RASGRP3: variants seen among roughly 807,000 people sequenced by gnomAD.
The protein encoded by RASGRP3 is ras guanyl-releasing protein 3.
Under a neutral mutation model 82.7 loss-of-function variants are expected in RASGRP3, and 54 were observed. That is an observed-to-expected ratio of 0.65 (90% CI 0.52 to 0.82). The LOEUF (loss-of-function observed/expected upper bound fraction) is 0.82, where lower values mean the gene tolerates loss of function less well. RASGRP3 is among the 40% of genes least tolerant of loss of function. RASGRP3 has a pLI of 0.00. For missense variants in RASGRP3, 861 were observed against 828.9 expected, an observed-to-expected ratio of 1.04 and a Z score of -0.48; for synonymous variants, 309 against 300.5, an observed-to-expected ratio of 1.03 and a Z score of -0.29.
chr2:33,550,487 C>A (rs1410549995), intron 14 of RASGRP3, among the ~76,000 whole-genome samples: 2 of 152,192 alleles, frequency 1.3e-5, no homozygotes, highest in Admixed American at 1.3e-4. Context: ...CTTCCCCCAC[C>A]TTTGATAATT....
chr2:33,475,516 G>C (rs529229136), upstream of RASGRP3, among the ~76,000 whole-genome samples: 2 of 152,288 alleles, frequency 1.3e-5, no homozygotes, highest in East Asian at 1.9e-4. Flanking sequence ...AAATCCCCTG[G>C]GGGACTTCAA....
At chr2:33,557,201 T>G (rs756077470) in intron 15 of RASGRP3, among the ~76,000 whole-genome samples, 1 of 152,142 alleles carries the variant, frequency 6.6e-6, no homozygotes, top group African/African-American at 2.4e-5. Context: ...CCATCTGAAG[T>G]GGCCACATTT....
At chr2:33,500,405 G>A (rs1444395576) in intron 1 of RASGRP3, among the ~76,000 whole-genome samples, 1 of 152,180 alleles carries the variant, frequency 6.6e-6, no homozygotes, top group Non-Finnish European at 1.5e-5. Context: ...GTGAGCCATT[G>A]CGGTGGGCCA....
intron 14 of RASGRP3, among the ~76,000 whole-genome samples, chr2:33,550,405 C>T (rs768741054): frequency 2.0e-5 from 3 of 152,180 alleles, no homozygotes; most frequent in South Asian, 4.1e-4. Flanking sequence ...GCTTGGACTC[C>T]GACACAGGTG....
chr2:33,517,870 A>G (rs1008050575), intron 4 of RASGRP3, among the ~76,000 whole-genome samples: 3 of 152,206 alleles, frequency 2.0e-5, no homozygotes, highest in African/African-American at 7.2e-5. Context: ...GGAAAGTTGA[A>G]GACTGCCTGT....
At position 33,563,768 on chromosome 2, in the gene RASGRP3, T is replaced by G. The variant is rs989248688; in HGVS notation, c.*1031T>G. The G allele has an allele frequency of 6.6e-6, 1 of 152,186 alleles. No individual in the cohort carries two copies. Among genetic ancestry groups the G allele is most frequent in the African/African-American group, 2.4e-5 (1 of 41,434 alleles). 9.4% of individuals were successfully genotyped at this position (152,186 alleles called of 1,614,324 possible). On this transcript the variant is annotated 3_prime_UTR_variant, in exon 18 of 18. Coordinates refer to ENST00000403687, the MANE Select transcript of RASGRP3 (RefSeq NM_001139488.2). Reference sequence around the variant, plus strand: ...ACTGCCTTCCACAATTAAAGAATACTCATAGAAAGAAAATAATCATAAATC... The same window carrying G: ...ACTGCCTTCCACAATTAAAGAATACGCATAGAAAGAAAATAATCATAAATC...
chr2:33,523,885 G>A lies in RASGRP3; in HGVS notation c.523G>A (p.Asp175Asn). ...HKSFRRISFT[D>N]YQSYVIHGCL... Reference sequence around the variant, plus strand: ...CTGAATCTTCCTTTCCTAGTTCACTGATTACCAAAGCTATGTCATCCATGG... The same window carrying A: ...CTGAATCTTCCTTTCCTAGTTCACTAATTACCAAAGCTATGTCATCCATGG... The change falls in exon 8 of 18, where the codon GAT (aspartate) becomes AAT (asparagine). Residue 175 changes from aspartate to asparagine, a missense_variant. Physicochemically the swap from Asp to Asn is conservative, Grantham distance 23. Coordinates refer to ENST00000403687, the MANE Select transcript of RASGRP3 (RefSeq NM_001139488.2). 6.2e-7 allele frequency: 1 copy of A among 1,608,368 alleles called. No individual in the cohort carries two copies. Among genetic ancestry groups the A allele is most frequent in the South Asian group, 1.1e-5 (1 of 90,184 alleles).
chr2:33,525,922 C>A (rs1672517406), intron 9 of RASGRP3, among the ~76,000 whole-genome samples: 2 of 152,050 alleles, frequency 1.3e-5, no homozygotes, highest in Non-Finnish European at 2.9e-5. Flanking sequence ...AGGTGCTCCG[C>A]CCGCCTCTGA....
At chr2:33,549,500 C>G in intron 13 of RASGRP3, 104 bp from the exon 14 acceptor site, 10 of 1,139,102 alleles carry the variant, frequency 8.8e-6, no homozygotes, top group Middle Eastern at 5.9e-4. Context: ...TGTGCCTCAA[C>G]TGCTTTTGGC....
Position 33,558,912 on chromosome 2 carries a change from G to T in RASGRP3, c.1946G>T (p.Gly649Val), listed in dbSNP as rs1187244297. 6.2e-7 allele frequency: 1 copy of T among 1,613,904 alleles called. No homozygotes were observed. ...CATGACAAAGCAGCAAAGGACAAAG[G>T]CTTTGCCAAATGGGAAAATGAGAAG... is the stretch of plus-strand genomic sequence containing the variant. ...KFHDKAAKDK[G>V]FAKWENEKPR... The change falls in exon 17 of 18, where the codon GGC becomes GTC. Residue 649 changes from glycine (G) to valine (V), a missense_variant. Transcript: ENST00000403687.
chr2:33,508,260 T>C (rs1670587793), intron 1 of RASGRP3, among the ~76,000 whole-genome samples: 1 of 152,208 alleles, frequency 6.6e-6, no homozygotes, highest in Non-Finnish European at 1.5e-5. Flanking sequence ...TGATTTCCCT[T>C]GATCATATCA....
intron 6 of RASGRP3, among the ~76,000 whole-genome samples, chr2:33,521,623 C>G (rs541722964): frequency 6.6e-6 from 1 of 152,342 alleles, no homozygotes; most frequent in South Asian, 2.1e-4. Flanking sequence ...TTCCATGTGT[C>G]TTAAATCACC....
At chr2:33,517,726 G>T (rs1671603974) in intron 4 of RASGRP3, among the ~76,000 whole-genome samples, 1 of 152,192 alleles carries the variant, frequency 6.6e-6, no homozygotes, top group South Asian at 2.1e-4. Context: ...CATTGACTCA[G>T]TCTGGCCATA....
rs1173262411 is a variant in RASGRP3, at chr2:33,447,330, T to C, written c.-384-490T>C. ...TGGAACACTCTCTTATTTCTTCTGCTGGGAACTAGGGCTGTTTCTCTGGTA... is the reference window on the plus strand; with the variant it reads ...TGGAACACTCTCTTATTTCTTCTGCCGGGAACTAGGGCTGTTTCTCTGGTA... On this transcript the variant is annotated intron_variant, in intron 1 of 18. Coordinates refer to the RASGRP3 transcript ENST00000402538. Among the ~76,000 whole-genome samples the C allele has an allele frequency of 2.0e-5, 3 of 152,100 alleles. No individual in the cohort carries two copies. In the East Asian group the frequency reaches 5.8e-4, roughly 29 times the overall value.
intron 2 of RASGRP3, among the ~76,000 whole-genome samples, chr2:33,452,263 G>A (rs1167067560): frequency 6.6e-6 from 1 of 151,758 alleles, no homozygotes; most frequent in Non-Finnish European, 1.5e-5. Context: ...TTTGTTGTTT[G>A]GTGGTGGTGT....
At chr2:33,469,684 C>T (rs1666942836) in intron 2 of RASGRP3, among the ~76,000 whole-genome samples, 1 of 152,052 alleles carries the variant, frequency 6.6e-6, no homozygotes, top group South Asian at 2.1e-4. Context: ...TGGTCTCAAA[C>T]TCCTGACCTT....
chr2:33,521,779 G>A (rs1195861259), intron 6 of RASGRP3, among the ~76,000 whole-genome samples, 176 bp from the exon 7 acceptor site: 7 of 152,192 alleles, frequency 4.6e-5, no homozygotes, highest in Admixed American at 4.6e-4. Context: ...ACAACTGCAA[G>A]TTTATGTTCT....
intron 1 of RASGRP3, among the ~76,000 whole-genome samples, chr2:33,503,382 T>G (rs1233085520): frequency 6.6e-6 from 1 of 152,130 alleles, no homozygotes; most frequent in Non-Finnish European, 1.5e-5. Context: ...ATTTCAGGAG[T>G]AAGGTGAAAT....
intron 15 of RASGRP3, 135 bp from the exon 16 acceptor site, chr2:33,558,076 G>A: frequency 1.7e-6 from 2 of 1,189,048 alleles, no homozygotes; most frequent in Non-Finnish European, 2.4e-6. Flanking sequence ...ACACCCCATG[G>A]GCCTGAGCTC....
Sources: allele counts gnomAD v4.1 joint callset (sites outside exome capture counted in the v4.1 genomes callset), GRCh38; gene constraint gnomAD v4.1.1; transcripts MANE v1.5; gene names NCBI Gene and HGNC (gene_info 2026-07-23, HGNC 2026-07-21).